Variants in MSL2 observed in about 807,000 individuals in gnomAD.
MSL2 encodes the protein MSL complex subunit 2, also known as E3 ubiquitin-protein ligase MSL2.
In MSL2, 2 loss-of-function variants were observed where a neutral mutation model predicts 35.8. The observed-to-expected ratio is 0.06, with a 90% confidence interval of 0.02 to 0.18. The LOEUF (loss-of-function observed/expected upper bound fraction) is 0.18. Among genes scored for constraint, MSL2 ranks in the 10% least tolerant of loss-of-function variants. The pLI, the probability that MSL2 is intolerant of heterozygous loss-of-function variation, is 1.00. For synonymous variants in MSL2, 296 were observed against 255.7 expected (o/e 1.16, Z -1.50); for missense variants, 523 against 706.7 (o/e 0.74, Z 2.95).
At chr3:136,190,100 T>C (rs193128964) in intron 1 of MSL2, among the ~76,000 whole-genome samples, 1 of 152,100 alleles carries the variant, frequency 6.6e-6, no homozygotes, top group African/African-American at 2.4e-5. Flanking sequence ...AAATTACTAA[T>C]TTTTCTATCG....
At chr3:136,185,321 C>G (rs1408956559) in intron 1 of MSL2, among the ~76,000 whole-genome samples, 5 of 148,500 alleles carry the variant, frequency 3.4e-5, no homozygotes, top group Non-Finnish European at 3.0e-5. Flanking sequence ...AAAAAAAAGT[C>G]TGGAAATCAA....
At chr3:136,194,168 A>T (rs755059098) in intron 1 of MSL2, among the ~76,000 whole-genome samples, 1 of 152,204 alleles carries the variant, frequency 6.6e-6, no homozygotes, top group Non-Finnish European at 1.5e-5. Context: ...GTTTCAGTCC[A>T]GGTTTTTCGA....
chr3:136,183,431 G>GT (rs201934743), intron 1 of MSL2, among the ~76,000 whole-genome samples: 1,725 of 150,824 alleles, frequency 0.011, 16 homozygotes, highest in African/African-American at 0.031. Context: ...TTGTTTTTTG[G>GT]TTTTTTTTTG....
At chr3:136,175,699 C>T (rs1465363950) in intron 1 of MSL2, among the ~76,000 whole-genome samples, 1 of 152,090 alleles carries the variant, frequency 6.6e-6, no homozygotes, top group Non-Finnish European at 1.5e-5. Flanking sequence ...ACAACAACAA[C>T]AACAAGTCTG....
chr3:136,152,153 G>C lies in MSL2; in HGVS notation c.728C>G (p.Ala243Gly). The C allele has an allele frequency of 6.2e-7, 1 of 1,614,154 alleles. No homozygotes were observed. ...DSLPPVCDTV[A>G]TDLCSTGIDI... Reference sequence around the variant, plus strand: ...AATGCCTGTGGAACATAAGTCAGTGGCTACTGTGTCACAAACGGGTGGCAG... The same window carrying C: ...AATGCCTGTGGAACATAAGTCAGTGCCTACTGTGTCACAAACGGGTGGCAG... The change falls in exon 2 of 2, where the codon GCC becomes GGC. Residue 243 changes from alanine to glycine, a missense_variant. Ala to Gly is a moderately conservative substitution (Grantham distance 60). Around this residue, in one of 5 missense-constraint regions of MSL2, gnomAD observed 361 missense variants for 414.6 expected, o/e 0.87. Transcript: ENST00000309993.
At chr3:136,166,921 G>A (rs1227366175) in intron 1 of MSL2, among the ~76,000 whole-genome samples, 6 of 152,126 alleles carry the variant, frequency 3.9e-5, no homozygotes, top group Admixed American at 6.5e-5. Context: ...CTGATGTGCA[G>A]ACTACCAAGT....
intron 1 of MSL2, among the ~76,000 whole-genome samples, chr3:136,183,371 G>GA (rs1456972362): frequency 2.0e-5 from 3 of 152,230 alleles, no homozygotes; most frequent in African/African-American, 7.2e-5. Flanking sequence ...GACCAGTCTG[G>GA]GAAACACAGG....
chr3:136,177,680 TA>T (rs397738424), intron 1 of MSL2, among the ~76,000 whole-genome samples: 2,223 of 78,476 alleles, frequency 0.028, 35 homozygotes, highest in African/African-American at 0.097. Context: ...CTCCGTCTCA[TA>T]AAAAAAAAAA....
At chr3:136,186,337 C>A (rs373383828) in intron 1 of MSL2, among the ~76,000 whole-genome samples, 6 of 152,208 alleles carry the variant, frequency 3.9e-5, no homozygotes, top group African/African-American at 1.4e-4. Flanking sequence ...TGATATAACA[C>A]AACATAGTAT....
chr3:136,155,694 G>T (rs1333543751), intron 1 of MSL2: 2 of 495,020 alleles, frequency 4.0e-6, no homozygotes, highest in Non-Finnish European at 8.2e-6. Flanking sequence ...CCTGAATGGG[G>T]GGAACTTGTA....
At chr3:136,169,174 A>T (rs2108074399) in intron 1 of MSL2, among the ~76,000 whole-genome samples, 1 of 120,988 alleles carries the variant, frequency 8.3e-6, no homozygotes, top group Middle Eastern at 6.8e-3. Flanking sequence ...GGATTCTGCC[A>T]GGCAAATCTT....
Position 136,180,816 on chromosome 3 carries a change from GGGAA to G in MSL2, c.142+14152_142+14155del, listed in dbSNP as rs1329921141. ...AGGGAGGGAGGGAGGGAGGGAAGGAGGGAAGGAAGGAAGGAAGGAAGGAAGGAAG... is the reference window on the plus strand; with the variant it reads ...AGGGAGGGAGGGAGGGAGGGAAGGAGGGAAGGAAGGAAGGAAGGAAGGAAG... On this transcript the variant is annotated intron_variant, in intron 1 of 1. Transcript: ENST00000309993. 2.4e-3 allele frequency among the ~76,000 whole-genome samples: 129 copies of G among 53,630 alleles called. 2 individuals are homozygous for G. Among genetic ancestry groups the G allele is most frequent in the African/African-American group, 5.9e-3 (74 of 12,458 alleles). The allele number at this position is 53,630 out of a possible 152,430, so 35.2% of individuals were successfully genotyped here.
At chr3:136,171,091 C>T (rs547419894) in intron 1 of MSL2, among the ~76,000 whole-genome samples, 14 of 152,248 alleles carry the variant, frequency 9.2e-5, no homozygotes, top group Admixed American at 4.6e-4. Context: ...TATTACTCAA[C>T]ATTTACCTGG....
chr3:136,164,569 G>A (rs1939788831), intron 1 of MSL2, among the ~76,000 whole-genome samples: 1 of 152,168 alleles, frequency 6.6e-6, no homozygotes, highest in Non-Finnish European at 1.5e-5. Flanking sequence ...ATAGAAAAGA[G>A]TCATTCAGGA....
At chr3:136,167,056 G>T (rs1408125563) in intron 1 of MSL2, among the ~76,000 whole-genome samples, 1 of 151,628 alleles carries the variant, frequency 6.6e-6, no homozygotes, top group Non-Finnish European at 1.5e-5. Context: ...TGAGGAGAAG[G>T]GGCACAAGAA....
Position 136,150,279 on chromosome 3 carries a change from A to G in MSL2, c.*868T>C, listed in dbSNP as rs1251279971. The G allele has an allele frequency of 6.6e-6, 1 of 152,318 alleles. No homozygotes were observed. The highest frequency in any genetic ancestry group is 6.5e-5 in the Admixed American group (1 of 15,284). 9.4% of individuals were successfully genotyped at this position (152,318 alleles called of 1,614,324 possible). A position where few individuals can be genotyped will look rare whatever the true frequency, so the allele number is the denominator to read the frequency against. On this transcript the variant is annotated 3_prime_UTR_variant, in exon 2 of 2. Transcript: ENST00000309993. ...AAAGTGGCGGCCAGTGGCAATAAGT[A>G]CAATACACAAATCTGGGCAAGTCTG...
chr3:136,195,914 G>A lies in MSL2; in HGVS notation c.-801C>T. The A allele has an allele frequency of 1.4e-6, 1 of 740,312 alleles. No individual in the cohort carries two copies. Among genetic ancestry groups the A allele is most frequent in the Non-Finnish European group, 1.6e-6 (1 of 607,702 alleles). 45.9% of individuals were successfully genotyped at this position (740,312 alleles called of 1,614,324 possible). A position where few individuals can be genotyped will look rare whatever the true frequency, so the allele number is the denominator to read the frequency against. On this transcript the variant is annotated 5_prime_UTR_variant, in exon 1 of 2. Coordinates refer to ENST00000309993, the MANE Select transcript of MSL2 (RefSeq NM_018133.4). Reference sequence around the variant, plus strand: ...CGGCCGGGCCGCGGCGGCGCCCCTCGCGCCTCAGTCGCACACTCCGGGGTC... The same window carrying A: ...CGGCCGGGCCGCGGCGGCGCCCCTCACGCCTCAGTCGCACACTCCGGGGTC...
chr3:136,179,839 G>T (rs1940285285), intron 1 of MSL2, among the ~76,000 whole-genome samples: 2 of 152,200 alleles, frequency 1.3e-5, no homozygotes, highest in Non-Finnish European at 2.9e-5. Context: ...GGCCAAGGCA[G>T]GTGATCACCT....
At chr3:136,192,013 G>A (rs534541262) in intron 1 of MSL2, among the ~76,000 whole-genome samples, 5 of 152,214 alleles carry the variant, frequency 3.3e-5, no homozygotes, top group African/African-American at 1.2e-4. Context: ...AGAATGTGAA[G>A]CAGAAGAAAT....
Sources: gnomAD v4.1 joint callset for allele counts (sites outside exome capture counted in the v4.1 genomes callset) on GRCh38, gnomAD v4.1.1 for gene constraint, gnomAD v4.1.1 regional missense constraint, MANE v1.5 for transcripts, NCBI Gene and HGNC (gene_info 2026-07-23, HGNC 2026-07-21) for gene names.